The following TRIM33 variants were observed in gnomAD, a reference collection of about 807,000 sequenced individuals.
The protein encoded by TRIM33 is tripartite motif containing 33.
A neutral mutation model predicts 125.4 loss-of-function variants in TRIM33; 20 were observed. The observed-to-expected ratio is 0.16, with a 90% CI of 0.11 to 0.23. The LOEUF is 0.23. Among genes scored for constraint, TRIM33 ranks in the 10% least tolerant of loss-of-function variants. The pLI, the probability that TRIM33 is intolerant of heterozygous loss-of-function variation, is 1.00. For missense variants in TRIM33, 920 were observed against 1,411.4 expected (o/e 0.65, Z 5.58); for synonymous variants, 564 against 513.9 (o/e 1.10, Z -1.32).
In TRIM33 at chr1:114,476,273, TA is replaced by T. The variant is rs530847657; in HGVS notation, c.527-11886del. On this transcript the variant is annotated intron_variant, in intron 1 of 19. Transcript: ENST00000358465. Reference sequence around the variant, plus strand: ...ATACTGAATTTTACAGTCCACATCCTATAAAAGTTTAAAACTTTACAAAGTG... The same window carrying T: ...ATACTGAATTTTACAGTCCACATCCTTAAAAGTTTAAAACTTTACAAAGTG... Among the ~76,000 whole-genome samples the T allele has an allele frequency of 2.9e-3, 442 of 151,018 alleles. 2 individuals carry two copies. Among genetic ancestry groups the T allele is most frequent in the African/African-American group, 0.01 (424 of 41,342 alleles).
At chr1:114,495,461 A>G (rs1230244766) in intron 1 of TRIM33, among the ~76,000 whole-genome samples, 1 of 152,234 alleles carries the variant, frequency 6.6e-6, no homozygotes, top group East Asian at 1.9e-4. Flanking sequence ...ATTCCGCAAA[A>G]TAGAATGAGT....
chr1:114,480,493 A>C (rs12723916), intron 1 of TRIM33, among the ~76,000 whole-genome samples: 2 of 133,788 alleles, frequency 1.5e-5, no homozygotes, highest in African/African-American at 6.1e-5. Flanking sequence ...AAAAAAAAAA[A>C]AAGAAGTGAA....
intron 1 of TRIM33, among the ~76,000 whole-genome samples, chr1:114,506,850 GTTCCTCAAAGTGT>G (rs1301911681): frequency 1.3e-4 from 20 of 152,270 alleles, no homozygotes; most frequent in Non-Finnish European, 2.4e-4. Flanking sequence ...TTAAATCTGT[GTTCCTCAAAGTGT>G]GGTGGTACCA....
intron 18 of TRIM33, among the ~76,000 whole-genome samples, chr1:114,398,990 G>A (rs1651717702): frequency 6.7e-6 from 1 of 150,060 alleles, no homozygotes; most frequent in South Asian, 2.1e-4. Flanking sequence ...AAGTCACACT[G>A]CTGAAATAAG....
At chr1:114,509,681 GT>G (rs1653219013) in intron 1 of TRIM33, among the ~76,000 whole-genome samples, 2 of 152,104 alleles carry the variant, frequency 1.3e-5, no homozygotes, top group Non-Finnish European at 2.9e-5. Flanking sequence ...CAAGAAACCT[GT>G]TCATGGATTT....
intron 4 of TRIM33, among the ~76,000 whole-genome samples, chr1:114,461,260 ATATATAT>A (rs1289807254): frequency 6.9e-6 from 1 of 145,982 alleles, no homozygotes; most frequent in Non-Finnish European, 1.5e-5. Flanking sequence ...TTTATATTTT[ATATATAT>A]TATATATTTA....
chr1:114,455,172 G>C lies in TRIM33; in HGVS notation c.923+7932C>G, dbSNP rs1649549876. On this transcript the variant is annotated intron_variant, in intron 4 of 19. Transcript: ENST00000358465. Reference sequence around the variant, plus strand: ...ACACACCAGCAGGTTATTCCCAAGGGGACAGCTAGCCCAGTGGACTAGATA... The same window carrying C: ...ACACACCAGCAGGTTATTCCCAAGGCGACAGCTAGCCCAGTGGACTAGATA... 2.0e-5 allele frequency among the ~76,000 whole-genome samples: 3 copies of C among 152,140 alleles called. No individual in the cohort carries two copies. In the South Asian group the frequency reaches 6.2e-4, roughly 32 times the overall value.
chr1:114,395,488 T>C lies in TRIM33; in HGVS notation c.*2160A>G. Reference sequence around the variant, plus strand: ...CTACAATTTTTTTAAAAGGATCCATTTGAAGAGCAATACAAAATATTAGAA... The same window carrying C: ...CTACAATTTTTTTAAAAGGATCCATCTGAAGAGCAATACAAAATATTAGAA... On this transcript the variant is annotated 3_prime_UTR_variant, in exon 20 of 20. Transcript: ENST00000358465. 1 of 199,606 alleles carries C rather than the reference T, an allele frequency of 5.0e-6. No individual in the cohort carries two copies. Among genetic ancestry groups the C allele is most frequent in the Non-Finnish European group, 1.0e-5 (1 of 96,444 alleles). The allele number at this position is 199,606 out of a possible 1,614,324, so 12.4% of individuals were successfully genotyped here.
chr1:114,423,689 C>T (rs562365703), intron 10 of TRIM33, among the ~76,000 whole-genome samples: 28 of 152,120 alleles, frequency 1.8e-4, no homozygotes, highest in Non-Finnish European at 3.4e-4. Flanking sequence ...CGTGAGCCAC[C>T]ACTCCCAGCC....
rs34538412 is a variant in TRIM33 at position 114,413,628 on chromosome 1, TAAAAAAA to T, written c.2062-3319_2062-3313del. 3.3e-4 allele frequency among the ~76,000 whole-genome samples: 17 copies of T among 50,856 alleles called. No homozygotes were observed. In the East Asian group the frequency reaches 7.9e-3, roughly 24 times the overall value. 33.4% of individuals were successfully genotyped at this position (50,856 alleles called of 152,430 possible). A position where few individuals can be genotyped will look rare whatever the true frequency, so the allele number is the denominator to read the frequency against. ...AAGAAAAAGTCCAAAAGCAAAACTG[TAAAAAAA>T]AAAAAAAAAAAAAAAAAGGTAAAAC... On this transcript the variant is annotated intron_variant, in intron 11 of 19. Transcript: ENST00000358465.
intron 11 of TRIM33, among the ~76,000 whole-genome samples, chr1:114,419,091 C>T (rs1341102092): frequency 6.6e-6 from 1 of 150,532 alleles, no homozygotes; most frequent in East Asian, 2.0e-4. Flanking sequence ...CTTCCAGCTA[C>T]TTGGGAGGCT....
intron 1 of TRIM33, among the ~76,000 whole-genome samples, chr1:114,492,672 T>C (rs1316953814): frequency 6.6e-6 from 1 of 152,220 alleles, no homozygotes; most frequent in Non-Finnish European, 1.5e-5. Flanking sequence ...AAGTATAATC[T>C]TATATTTGCC....
chr1:114,397,594 TTTTTTTTTTTTCG>T lies in TRIM33; in HGVS notation c.*41_*53del. On this transcript the variant is annotated 3_prime_UTR_variant, in exon 20 of 20. Coordinates refer to ENST00000358465, the MANE Select transcript of TRIM33 (RefSeq NM_015906.4). ...AAGTTTTCTGGGTTTTTTGTGTTTT[TTTTTTTTTTTTCG>T]TTTTTTTTTTTTTAAACAATTGATT... is the stretch of plus-strand genomic sequence containing the variant. The T allele has an allele frequency of 4.0e-6, 4 of 992,154 alleles. No individual in the cohort carries two copies. The highest frequency in any genetic ancestry group is 1.7e-5 in the African/African-American group (1 of 57,758). 61.5% of individuals were successfully genotyped at this position (992,154 alleles called of 1,614,324 possible).
intron 1 of TRIM33, among the ~76,000 whole-genome samples, chr1:114,495,771 T>A (rs1241138322): frequency 1.3e-5 from 2 of 151,910 alleles, no homozygotes; most frequent in Non-Finnish European, 2.9e-5. Context: ...AATACACAAA[T>A]GAAAAAGAGG....
intron 5 of TRIM33, among the ~76,000 whole-genome samples, chr1:114,432,248 A>G (rs1572047939): frequency 6.6e-6 from 1 of 152,208 alleles, no homozygotes; most frequent in Non-Finnish European, 1.5e-5. Flanking sequence ...TACTTATACA[A>G]TGTACACACA....
intron 10 of TRIM33, among the ~76,000 whole-genome samples, chr1:114,421,903 T>C (rs1384016687): frequency 6.6e-6 from 1 of 152,196 alleles, no homozygotes; most frequent in East Asian, 1.9e-4. Flanking sequence ...AGGAAGTATG[T>C]AATAGAGGAT....
intron 11 of TRIM33, among the ~76,000 whole-genome samples, chr1:114,418,107 C>G (rs1404876259): frequency 6.6e-6 from 1 of 152,216 alleles, no homozygotes; most frequent in African/African-American, 2.4e-5. Flanking sequence ...TTCTGCATGG[C>G]TGGGGAGGCC....
chr1:114,434,128 AC>A (rs1648134857), intron 4 of TRIM33, among the ~76,000 whole-genome samples: 2 of 152,198 alleles, frequency 1.3e-5, no homozygotes, highest in African/African-American at 4.8e-5. Flanking sequence ...AATTACTGCT[AC>A]CACTGTAATA....
intron 2 of TRIM33, 91 bp downstream of exon 2, chr1:114,464,179 C>T: frequency 1.6e-6 from 1 of 624,796 alleles, no homozygotes; most frequent in Non-Finnish European, 2.7e-6. Context: ...AGCAGAACCA[C>T]CCTAAATGAC....
Sources: allele counts gnomAD v4.1 joint callset (sites outside exome capture counted in the v4.1 genomes callset), GRCh38; gene constraint gnomAD v4.1.1; transcripts MANE v1.5; gene names NCBI Gene and HGNC (gene_info 2026-07-23, HGNC 2026-07-21).